The following APBB1IP variants were observed in gnomAD, a reference collection of about 807,000 sequenced individuals.
The protein encoded by APBB1IP is amyloid beta A4 precursor protein-binding family B member 1-interacting protein.
APBB1IP carries 27 observed loss-of-function variants against 64.9 expected under a neutral mutation model. The ratio of observed to expected loss-of-function variants is 0.42; its 90% CI spans 0.31 to 0.57. APBB1IP has a LOEUF of 0.57. Ranked by LOEUF, APBB1IP falls within the 20% of genes least tolerant of loss-of-function variation. The pLI, the probability that APBB1IP is intolerant of heterozygous loss-of-function variation, is 0.20. For missense variants in APBB1IP, 812 were observed against 845.5 expected, an observed-to-expected ratio of 0.96 and a Z score of 0.49; for synonymous variants, 392 against 331.0, an observed-to-expected ratio of 1.18 and a Z score of -2.00.
At chr10:26,508,217 C>CAAAT (rs1397066224) in intron 6 of APBB1IP, among the ~76,000 whole-genome samples, 15 of 152,158 alleles carry the variant, frequency 9.9e-5, no homozygotes, top group Admixed American at 3.9e-4. Context: ...CATACTTTGC[C>CAAAT]CTCAAGTATT....
At chr10:26,447,711 A>T (rs1589188895) in intron 2 of APBB1IP, among the ~76,000 whole-genome samples, 1 of 152,172 alleles carries the variant, frequency 6.6e-6, no homozygotes, top group Non-Finnish European at 1.5e-5. Context: ...TAGAAACAGT[A>T]AAAAGAACCA....
rs762345104 is a variant in APBB1IP at position 26,445,128 on chromosome 10, A to AAAAG, written c.-1+6339_-1+6342dup. 9.0e-3 allele frequency among the ~76,000 whole-genome samples: 924 copies of AAAAG among 102,108 alleles called. 9 individuals are homozygous for AAAAG. Among genetic ancestry groups the AAAAG allele is most frequent in the East Asian group, 0.027 (84 of 3,062 alleles). 67.0% of individuals were successfully genotyped at this position (102,108 alleles called of 152,430 possible). On this transcript the variant is annotated intron_variant, in intron 2 of 14. Coordinates refer to ENST00000376236, the MANE Select transcript of APBB1IP (RefSeq NM_019043.4). ...AAAAGAGGAAAAGAAAGAAAGAAAG[A>AAAAG]AAAGAAAGAAAGAAAGAAAGAAAGA...
At chr10:26,497,506 G>A (rs1381482574) in intron 4 of APBB1IP, among the ~76,000 whole-genome samples, 2 of 148,778 alleles carry the variant, frequency 1.3e-5, no homozygotes, top group Non-Finnish European at 3.0e-5. Flanking sequence ...AGCTGAGATC[G>A]CGCCACTGCA....
intron 2 of APBB1IP, among the ~76,000 whole-genome samples, chr10:26,489,407 T>C (rs533840490): frequency 6.6e-6 from 1 of 152,214 alleles, no homozygotes; most frequent in African/African-American, 2.4e-5. Flanking sequence ...AAATATACGA[T>C]GGAAAAATTA....
intron 2 of APBB1IP, among the ~76,000 whole-genome samples, chr10:26,479,820 G>A (rs1835814999): frequency 6.6e-6 from 1 of 152,218 alleles, no homozygotes; most frequent in Non-Finnish European, 1.5e-5. Context: ...TTTTAGGATT[G>A]AGAGTTGAGA....
chr10:26,527,891 C>T (rs373352596), intron 8 of APBB1IP, among the ~76,000 whole-genome samples: 1 of 151,956 alleles, frequency 6.6e-6, no homozygotes, highest in Non-Finnish European at 1.5e-5. Context: ...GGGGTTTCAC[C>T]ATCTTGGCCA....
chr10:26,530,517 C>T (rs569962300), intron 8 of APBB1IP, among the ~76,000 whole-genome samples: 32 of 152,026 alleles, frequency 2.1e-4, no homozygotes, highest in Non-Finnish European at 3.7e-4. Flanking sequence ...TGGTGAAACC[C>T]CGTCTCTACT....
At chr10:26,491,738 C>G (rs1052431204) in intron 2 of APBB1IP, among the ~76,000 whole-genome samples, 1 of 150,638 alleles carries the variant, frequency 6.6e-6, no homozygotes, top group African/African-American at 2.4e-5. Context: ...TTAATCACTC[C>G]TCACATCATT....
intron 3 of APBB1IP, among the ~76,000 whole-genome samples, chr10:26,494,819 C>T (rs1564360403): frequency 6.6e-6 from 1 of 151,854 alleles, no homozygotes; most frequent in East Asian, 1.9e-4. Context: ...AGTGAGACTC[C>T]ATCTCAATAA....
chr10:26,488,320 C>T (rs1205545876), intron 2 of APBB1IP, among the ~76,000 whole-genome samples: 2 of 151,806 alleles, frequency 1.3e-5, no homozygotes, highest in African/African-American at 2.4e-5. Context: ...ACTGCAGCCT[C>T]GACCTCCTGG....
intron 5 of APBB1IP, chr10:26,501,330 C>A (rs1446135086): frequency 1.4e-5 from 8 of 582,162 alleles, no homozygotes; most frequent in Non-Finnish European, 2.0e-5. Context: ...TCAGGATTTA[C>A]TGTAGTTTGC....
At chr10:26,563,664 G>A (rs1016817864) in intron 14 of APBB1IP, among the ~76,000 whole-genome samples, 2 of 152,082 alleles carry the variant, frequency 1.3e-5, no homozygotes, top group African/African-American at 4.8e-5. Flanking sequence ...TTAAATAACT[G>A]TGACAATAGC....
chr10:26,528,865 A>G (rs1836512798), intron 8 of APBB1IP, among the ~76,000 whole-genome samples: 1 of 152,188 alleles, frequency 6.6e-6, no homozygotes, highest in Non-Finnish European at 1.5e-5. Context: ...TGAACCTGGG[A>G]GGCGGAGGTT....
chr10:26,456,245 T>A (rs945584083), intron 2 of APBB1IP, among the ~76,000 whole-genome samples: 4 of 152,214 alleles, frequency 2.6e-5, no homozygotes, highest in African/African-American at 9.6e-5. Context: ...TTCACCTGCA[T>A]GCAAGGAGCT....
intron 2 of APBB1IP, among the ~76,000 whole-genome samples, chr10:26,458,250 A>T (rs4747567): frequency 0.4 from 60,699 of 151,922 alleles, 12,263 homozygotes; most frequent in South Asian, 0.5. Flanking sequence ...TAGCTGAGCG[A>T]GGTGGCATGC....
At chr10:26,521,180 T>A (rs530586039) in intron 8 of APBB1IP, among the ~76,000 whole-genome samples, 1 of 152,234 alleles carries the variant, frequency 6.6e-6, no homozygotes, top group East Asian at 1.9e-4. Context: ...TCCCAAGAGG[T>A]GGGAGCCAAG....
chr10:26,462,962 G>A (rs1324216598), intron 2 of APBB1IP, among the ~76,000 whole-genome samples: 3 of 152,192 alleles, frequency 2.0e-5, no homozygotes, highest in African/African-American at 4.8e-5. Context: ...ACTAGAGCAA[G>A]CCTCCTTCTG....
chr10:26,493,206 G>A (rs145406396), intron 3 of APBB1IP, among the ~76,000 whole-genome samples: 1,571 of 152,228 alleles, frequency 0.01, 27 homozygotes, highest in African/African-American at 0.036. Flanking sequence ...GAACATCACT[G>A]TAATCCTGTT....
rs761637248 is a variant in APBB1IP at position 26,543,832 on chromosome 10, G to A, written c.1155+2140G>A. The stretch of plus-strand genomic sequence containing the variant: ...AGGGAGCAAGAATTATCTGCAGTAC[G>A]AGCCCTCCAGGAATAAGAACAGGAA... On this transcript the variant is annotated intron_variant, in intron 11 of 14. Coordinates refer to ENST00000376236, the MANE Select transcript of APBB1IP (RefSeq NM_019043.4). Among the ~76,000 whole-genome samples the A allele has an allele frequency of 3.2e-4, 49 of 152,204 alleles. 2 individuals are homozygous for A. The highest frequency in any genetic ancestry group is 6.2e-4 in the Non-Finnish European group (42 of 68,022).
Sources: allele counts gnomAD v4.1 joint callset (sites outside exome capture counted in the v4.1 genomes callset), GRCh38; gene constraint gnomAD v4.1.1; transcripts MANE v1.5; gene names NCBI Gene and HGNC (gene_info 2026-07-23, HGNC 2026-07-21).